KCNB2: variants seen among roughly 807,000 people sequenced by gnomAD.
The protein encoded by KCNB2 is potassium voltage-gated channel subfamily B member 2.
Under a neutral mutation model 61.5 loss-of-function variants are expected in KCNB2, and 15 were observed. The observed-to-expected ratio is 0.24, with a 90% CI of 0.16 to 0.38. The LOEUF is 0.38. Ranked by LOEUF, KCNB2 falls within the 10% of genes least tolerant of loss-of-function variation. The pLI is 1.00. For missense variants in KCNB2, 828 were observed against 1,125.2 expected (o/e 0.74, Z 3.78); for synonymous variants, 457 against 446.0 (o/e 1.02, Z -0.31).
At chr8:72,805,209 C>A (rs1809199478) in intron 2 of KCNB2, among the ~76,000 whole-genome samples, 1 of 152,136 alleles carries the variant, frequency 6.6e-6, no homozygotes, top group African/African-American at 2.4e-5. Flanking sequence ...AGTAGCCAAA[C>A]ACTTTACAAT....
At chr8:72,854,796 C>T (rs139241527) in intron 2 of KCNB2, among the ~76,000 whole-genome samples, 113 of 151,934 alleles carry the variant, frequency 7.4e-4, no homozygotes, top group African/African-American at 2.7e-3. Flanking sequence ...GCAAAGGCAC[C>T]GTGGCAGGAG....
intron 2 of KCNB2, among the ~76,000 whole-genome samples, chr8:72,578,545 T>G (rs1806841069): frequency 6.6e-6 from 1 of 152,144 alleles, no homozygotes; most frequent in Non-Finnish European, 1.5e-5. Context: ...AAAAAATCGG[T>G]TTTAAGCCCT....
intron 2 of KCNB2, among the ~76,000 whole-genome samples, chr8:72,832,679 G>A (rs1359580187): frequency 5.3e-5 from 8 of 152,138 alleles, no homozygotes; most frequent in African/African-American, 1.4e-4. Flanking sequence ...GGCAGAAGAC[G>A]GAGCCCCTGA....
chr8:72,899,383 G>A (rs1242804925), intron 2 of KCNB2, among the ~76,000 whole-genome samples: 1 of 152,240 alleles, frequency 6.6e-6, no homozygotes, highest in East Asian at 1.9e-4. Context: ...CCTAGCCAGA[G>A]CAATCAGGCA....
chr8:72,846,477 C>A (rs1459715791), intron 2 of KCNB2, among the ~76,000 whole-genome samples: 2 of 151,960 alleles, frequency 1.3e-5, no homozygotes, highest in Non-Finnish European at 2.9e-5. Context: ...AACAGGCAAC[C>A]TATAGAGTGG....
chr8:72,759,693 A>G (rs1440162151), intron 2 of KCNB2, among the ~76,000 whole-genome samples: 1 of 150,806 alleles, frequency 6.6e-6, no homozygotes, highest in East Asian at 1.9e-4. Context: ...GGCCTTGGAG[A>G]TAGAGATAGA....
Position 72,937,444 on chromosome 8 carries a change from A to G in KCNB2, c.2089A>G (p.Thr697Ala), listed in dbSNP as rs758345213. The part of the protein sequence containing the change: ...LHSPLQSDNA[T>A]DSPKSSLKGS... Reference sequence around the variant, plus strand: ...TAGTCCTTTGCAGTCTGACAATGCCACCGACAGTCCTAAGAGCTCTCTAAA... The same window carrying G: ...TAGTCCTTTGCAGTCTGACAATGCCGCCGACAGTCCTAAGAGCTCTCTAAA... Residue 697 changes from threonine (T) to alanine (A), a missense_variant, in exon 3 of 3, where the codon ACC (threonine) becomes GCC (alanine). Thr to Ala is a moderately conservative substitution (Grantham distance 58). This residue lies in a region of KCNB2 where 559 missense variants were observed against 588.4 expected (regional missense o/e 0.95). Transcript: ENST00000523207. The G allele has an allele frequency of 3.1e-6, 5 of 1,613,968 alleles. No individual in the cohort carries two copies. The highest frequency in any genetic ancestry group is 4.2e-6 in the Non-Finnish European group (5 of 1,180,014).
intron 2 of KCNB2, among the ~76,000 whole-genome samples, chr8:72,921,272 ATCTGT>A (rs1269143162): frequency 6.6e-6 from 1 of 152,108 alleles, no homozygotes; most frequent in Non-Finnish European, 1.5e-5. Context: ...TTCTACTCTC[ATCTGT>A]TCTATTCTAC....
At chr8:72,754,313 G>A (rs1222681525) in intron 2 of KCNB2, among the ~76,000 whole-genome samples, 1 of 152,158 alleles carries the variant, frequency 6.6e-6, no homozygotes, top group Non-Finnish European at 1.5e-5. Context: ...AGAATGCCAG[G>A]AGAAGCCCCC....
intron 2 of KCNB2, among the ~76,000 whole-genome samples, chr8:72,607,600 T>C (rs1805473559): frequency 6.6e-6 from 1 of 152,192 alleles, no homozygotes; most frequent in Non-Finnish European, 1.5e-5. Flanking sequence ...AGTAATACAA[T>C]AAGCAAGGAA....
In KCNB2 at chr8:72,936,390, GA is replaced by G; in HGVS notation, c.1036del (p.Ile346Ter). On this transcript the variant is annotated frameshift_variant, in exon 3 of 3. Transcript: ENST00000523207. LOFTEE classifies it high-confidence loss of function. This position sits in a 1 kb window ranked among gnomAD's most constrained non-coding sequence, Gnocchi z 5.6. ...TGTTGATATTGTTTCTGGCCATGGGGATAATGATATTTTCCAGCCTGGTATT... is the reference window on the plus strand; with the variant it reads ...TGTTGATATTGTTTCTGGCCATGGGGTAATGATATTTTCCAGCCTGGTATT... ...GLLILFLAMG[I>X]MIFSSLVFFA... 1 of 1,614,234 alleles carries G rather than the reference GA, an allele frequency of 6.2e-7. No homozygotes were observed. The highest frequency in any genetic ancestry group is 8.5e-7 in the Non-Finnish European group (1 of 1,180,036).
chr8:72,557,923 AG>A (rs1357225339), intron 1 of KCNB2, among the ~76,000 whole-genome samples: 1 of 152,224 alleles, frequency 6.6e-6, no homozygotes, highest in Non-Finnish European at 1.5e-5. Context: ...TGGTAAATAA[AG>A]GTCATCAGAA....
intron 2 of KCNB2, among the ~76,000 whole-genome samples, chr8:72,626,731 G>A (rs1438724981): frequency 6.6e-6 from 1 of 152,208 alleles, no homozygotes; most frequent in Non-Finnish European, 1.5e-5. Flanking sequence ...CAGGCAGTCT[G>A]GTTGCAGAAC....
chr8:72,847,272 C>G (rs964885291), intron 2 of KCNB2, among the ~76,000 whole-genome samples: 6 of 152,170 alleles, frequency 3.9e-5, no homozygotes, highest in African/African-American at 1.4e-4. Flanking sequence ...AGGTTGGGGT[C>G]AGAAGCAAAC....
chr8:72,637,877 G>A (rs558234278), intron 2 of KCNB2, among the ~76,000 whole-genome samples: 1 of 152,102 alleles, frequency 6.6e-6, no homozygotes, highest in Non-Finnish European at 1.5e-5. Flanking sequence ...GTAGTTGAGA[G>A]GGAGAAAAAT....
chr8:72,920,274 A>G (rs1423513880), intron 2 of KCNB2, among the ~76,000 whole-genome samples: 3 of 151,340 alleles, frequency 2.0e-5, no homozygotes, highest in African/African-American at 7.3e-5. Context: ...TCAATAGTCT[A>G]TCAATAATGT....
intron 2 of KCNB2, among the ~76,000 whole-genome samples, chr8:72,915,421 A>G (rs1806376172): frequency 6.6e-6 from 1 of 152,112 alleles, no homozygotes; most frequent in Non-Finnish European, 1.5e-5. Context: ...AAGCTTCTTA[A>G]TTAACATGGG....
At chr8:72,849,131 G>A (rs1810049189) in intron 2 of KCNB2, among the ~76,000 whole-genome samples, 1 of 150,796 alleles carries the variant, frequency 6.6e-6, no homozygotes, top group Admixed American at 6.6e-5. Flanking sequence ...ACAAAAAGAG[G>A]TTTTTCCATC....
intron 2 of KCNB2, among the ~76,000 whole-genome samples, chr8:72,898,240 A>G (rs539027386): frequency 3.7e-4 from 57 of 152,050 alleles, no homozygotes; most frequent in Admixed American, 1.2e-3. Context: ...GGAATTGAAC[A>G]ATGAGAACAC....
Sources: gnomAD v4.1 joint callset for allele counts (sites outside exome capture counted in the v4.1 genomes callset) on GRCh38, gnomAD v4.1.1 for gene constraint, gnomAD v4.1.1 regional missense constraint, Gnocchi (gnomAD v3.1) non-coding constraint, MANE v1.5 for transcripts, NCBI Gene and HGNC (gene_info 2026-07-23, HGNC 2026-07-21) for gene names.